The following SH3BP4 variants were observed in gnomAD, a reference collection of about 807,000 sequenced individuals.
SH3BP4 encodes SH3 domain binding protein 4, also known as SH3 domain-binding protein 4.
Under a neutral mutation model 65.5 loss-of-function variants are expected in SH3BP4, and 33 were observed. That is an observed-to-expected ratio of 0.50 (90% CI 0.38 to 0.67). SH3BP4 has a LOEUF of 0.67. SH3BP4 is among the 30% of genes least tolerant of loss of function. The pLI is 0.00. For synonymous variants in SH3BP4, 552 were observed against 545.5 expected, an observed-to-expected ratio of 1.01 and a Z score of -0.17; for missense variants, 1,134 against 1,261.4, an observed-to-expected ratio of 0.90 and a Z score of 1.53.
rs370532112 is a variant in SH3BP4 at position 235,041,790 on chromosome 2, G to T, written c.1021G>T (p.Val341Leu). ...TCCTGACACCAGCATCAGCATCCACGTGCCCGAGGGCCACGTCGCCCCTGG... is the reference window on the plus strand; with the variant it reads ...TCCTGACACCAGCATCAGCATCCACTTGCCCGAGGGCCACGTCGCCCCTGG... ...QLPDTSISIH[V>L]PEGHVAPGET... Residue 341 changes from valine to leucine, a missense_variant, in exon 4 of 6, where the codon GTG becomes TTG. Val to Leu is a conservative substitution (Grantham distance 32, BLOSUM62 1). Coordinates refer to ENST00000392011, the MANE Select transcript of SH3BP4 (RefSeq NM_014521.3). The surrounding 1 kb of genome is among the most constrained non-coding windows in gnomAD (Gnocchi z 6.0). The T allele has an allele frequency of 6.3e-7, 1 of 1,595,204 alleles. No individual in the cohort carries two copies. Among genetic ancestry groups the T allele is most frequent in the Non-Finnish European group, 8.6e-7 (1 of 1,169,240 alleles).
intron 1 of SH3BP4, among the ~76,000 whole-genome samples, chr2:234,956,437 C>T (rs979161730): frequency 6.6e-6 from 1 of 152,174 alleles, no homozygotes; most frequent in African/African-American, 2.4e-5. Context: ...CAGGGGAGCT[C>T]TCTTTGCTGA....
chr2:235,017,306 G>T (rs2106304591), intron 2 of SH3BP4, among the ~76,000 whole-genome samples: 1 of 151,972 alleles, frequency 6.6e-6, no homozygotes, highest in East Asian at 1.9e-4. Context: ...AATTAGCCAA[G>T]TGTGGTGGTG....
At position 235,052,242 on chromosome 2, in the gene SH3BP4, G is replaced by A. The variant is rs370290878; in HGVS notation, c.2479-320G>A. On this transcript the variant is annotated intron_variant, in intron 4 of 5. Transcript: ENST00000392011. The surrounding 1 kb of genome is among the most constrained non-coding windows in gnomAD (Gnocchi z 5.0). ...TCTTATGAAGACGCCAGTCCTTGGTGACTTCCTCTAATCCAGAGGGACCTC... is the reference window on the plus strand; with the variant it reads ...TCTTATGAAGACGCCAGTCCTTGGTAACTTCCTCTAATCCAGAGGGACCTC... 7.2e-5 allele frequency among the ~76,000 whole-genome samples: 11 copies of A among 152,224 alleles called. No homozygotes were observed. The East Asian group carries it at 1.7e-3, about 24-fold the overall frequency.
At chr2:234,975,465 G>C (rs894346203) in intron 1 of SH3BP4, among the ~76,000 whole-genome samples, 1 of 152,124 alleles carries the variant, frequency 6.6e-6, no homozygotes. Context: ...CCTCAGGATC[G>C]GGCCTAATTC....
At chr2:235,037,576 AC>A (rs1695426496) in intron 3 of SH3BP4, among the ~76,000 whole-genome samples, 1 of 152,232 alleles carries the variant, frequency 6.6e-6, no homozygotes, top group Non-Finnish European at 1.5e-5. Flanking sequence ...TTTTGAAACT[AC>A]TGTAAGGGAA....
Position 235,054,932 on chromosome 2 carries a change from C to T in SH3BP4, c.*1116C>T, listed in dbSNP as rs1696178390. The T allele has an allele frequency of 6.6e-6, 1 of 152,158 alleles. No homozygotes were observed. The highest frequency in any genetic ancestry group is 2.1e-4 in the South Asian group (1 of 4,824). 9.4% of individuals were successfully genotyped at this position (152,158 alleles called of 1,614,324 possible). A position where few individuals can be genotyped will look rare whatever the true frequency, so the allele number is the denominator to read the frequency against. ...CTTCCTTCCTGGTGTACCTGTGTCT[C>T]CTCGGAAGGAAGTCATAGTTTAGAT... On this transcript the variant is annotated 3_prime_UTR_variant, in exon 6 of 6. Coordinates refer to ENST00000392011, the MANE Select transcript of SH3BP4 (RefSeq NM_014521.3).
Position 235,026,434 on chromosome 2 carries a change from T to C in SH3BP4, c.-132-8437T>C, listed in dbSNP as rs1402173427. 6.6e-6 allele frequency among the ~76,000 whole-genome samples: 1 copy of C among 152,172 alleles called. No homozygotes were observed. Among genetic ancestry groups the C allele is most frequent in the African/African-American group, 2.4e-5 (1 of 41,442 alleles). On this transcript the variant is annotated intron_variant, in intron 2 of 5. Coordinates refer to ENST00000392011, the MANE Select transcript of SH3BP4 (RefSeq NM_014521.3). This position sits in a 1 kb window ranked among gnomAD's most constrained non-coding sequence, Gnocchi z 4.6. ...TTGGCACCCACAGTTAAGCCTTGAA[T>C]GTGTGCAAGTTATAACCCGGTGTCT...
chr2:234,994,072 T>G (rs1693837353), intron 1 of SH3BP4, among the ~76,000 whole-genome samples: 1 of 152,248 alleles, frequency 6.6e-6, no homozygotes, highest in South Asian at 2.1e-4. Context: ...AGAAGGTCCG[T>G]GTCTACGTAG....
At chr2:235,031,332 C>T (rs570770716) in intron 2 of SH3BP4, among the ~76,000 whole-genome samples, 1 of 152,210 alleles carries the variant, frequency 6.6e-6, no homozygotes, top group East Asian at 1.9e-4. Flanking sequence ...GTGGCCATAC[C>T]CCATCATCAA....
Position 235,053,776 on chromosome 2 carries a change from C to CG in SH3BP4, c.2852_2853insG (p.Ala952ArgfsTer72). On this transcript the variant is annotated frameshift_variant, in exon 6 of 6. Coordinates refer to ENST00000392011, the MANE Select transcript of SH3BP4 (RefSeq NM_014521.3). LOFTEE classifies it high-confidence loss of function. ...AACTCCCTGGACGTTCTGAGAGCAG[C>CG]CGCCTTCAGCCCTGCGGACCAGGAC... 6.2e-7 allele frequency: 1 copy of CG among 1,614,218 alleles called. No homozygotes were observed. The highest frequency in any genetic ancestry group is 8.5e-7 in the Non-Finnish European group (1 of 1,180,022).
chr2:234,996,960 T>TA (rs1248166011), intron 2 of SH3BP4, among the ~76,000 whole-genome samples: 1 of 150,174 alleles, frequency 6.7e-6, no homozygotes, highest in Non-Finnish European at 1.5e-5. Flanking sequence ...GTGCCAGAGT[T>TA]ACTGGGGCAG....
At chr2:234,961,065 CCTGT>C (rs1292844625) in intron 1 of SH3BP4, among the ~76,000 whole-genome samples, 16 of 152,186 alleles carry the variant, frequency 1.1e-4, no homozygotes, top group African/African-American at 3.9e-4. Context: ...GCCCCACACA[CCTGT>C]CTGTGTCCGA....
chr2:235,038,358 A>ATAC (rs1553567423), intron 3 of SH3BP4, among the ~76,000 whole-genome samples: 1 of 14,242 alleles, frequency 7.0e-5, no homozygotes, highest in Non-Finnish European at 1.8e-4. Flanking sequence ...TTTTATATAT[A>ATAC]TATATATAAT....
intron 2 of SH3BP4, among the ~76,000 whole-genome samples, chr2:234,999,357 A>G (rs1262397375): frequency 1.3e-5 from 2 of 152,226 alleles, no homozygotes; most frequent in Non-Finnish European, 2.9e-5. Context: ...ATTTATTTCA[A>G]GAGCCTTTGA....
Position 235,042,481 on chromosome 2 carries a change from G to A in SH3BP4, c.1712G>A (p.Arg571His), listed in dbSNP as rs201068354. ...CAGCTGAAGCTGGGCAAGGTGAGCC[G>A]CCTGATCTTCCCCATCACCTCCCAG... ...GFQLKLGKVSRLIFPITSQNP... is the reference protein window; with the variant it reads ...GFQLKLGKVSHLIFPITSQNP... The change falls in exon 4 of 6, where the codon CGC becomes CAC. Residue 571 changes from arginine (R) to histidine (H), a missense_variant. Transcript: ENST00000392011. This position sits in a 1 kb window ranked among gnomAD's most constrained non-coding sequence, Gnocchi z 7.3. 29 of 1,614,042 alleles carry A rather than the reference G, an allele frequency of 1.8e-5. No homozygotes were observed. The highest frequency in any genetic ancestry group is 5.3e-5 in the African/African-American group (4 of 74,916).
In SH3BP4 at chr2:235,037,315, G is replaced by A. The variant is rs75267061; in HGVS notation, c.118+2195G>A. On this transcript the variant is annotated intron_variant, in intron 3 of 5. Coordinates refer to ENST00000392011, the MANE Select transcript of SH3BP4 (RefSeq NM_014521.3). ...GCTTGGTGGCAGTTGACTGATGGAG[G>A]GCCTCATCTAGAAGGGGGAATCACA... is the stretch of plus-strand genomic sequence containing the variant. 1.5e-3 allele frequency among the ~76,000 whole-genome samples: 232 copies of A among 152,192 alleles called. 6 individuals are homozygous for A. In the East Asian group the frequency reaches 0.018, roughly 12 times the overall value.
At chr2:234,988,990 A>G (rs919380032) in intron 1 of SH3BP4, among the ~76,000 whole-genome samples, 17 of 152,204 alleles carry the variant, frequency 1.1e-4, no homozygotes, top group African/African-American at 3.4e-4. Context: ...TGCTTCATCC[A>G]TCTGTTGCCC....
intron 2 of SH3BP4, among the ~76,000 whole-genome samples, chr2:235,006,549 G>A (rs1049335891): frequency 6.6e-6 from 1 of 152,156 alleles, no homozygotes; most frequent in East Asian, 1.9e-4. Flanking sequence ...GAGGGCCTGT[G>A]CTCCCAAGGG....
rs543270153 is a variant in SH3BP4, at chr2:235,016,052, G to A, written c.-132-18819G>A. On this transcript the variant is annotated intron_variant, in intron 2 of 5. Coordinates refer to ENST00000392011, the MANE Select transcript of SH3BP4 (RefSeq NM_014521.3). Reference sequence around the variant, plus strand: ...GGGATTAAGAAGCTCAGATTAAAGCGATAGTTCTGGGAGAGTTGCTTCCCC... The same window carrying A: ...GGGATTAAGAAGCTCAGATTAAAGCAATAGTTCTGGGAGAGTTGCTTCCCC... Among the ~76,000 whole-genome samples, 39 of 150,436 alleles carry A rather than the reference G, an allele frequency of 2.6e-4. No individual in the cohort carries two copies. The South Asian group carries it at 8.0e-3, about 31-fold the overall frequency.
Sources: gnomAD v4.1 joint callset for allele counts (sites outside exome capture counted in the v4.1 genomes callset) on GRCh38, gnomAD v4.1.1 for gene constraint, Gnocchi (gnomAD v3.1) non-coding constraint, MANE v1.5 for transcripts, NCBI Gene and HGNC (gene_info 2026-07-23, HGNC 2026-07-21) for gene names.